MINDY4B: variants seen among roughly 807,000 people sequenced by gnomAD.
MINDY4B encodes MINDY family member 4B.
A neutral mutation model predicts 16.7 loss-of-function variants in MINDY4B; 25 were observed. That is an observed-to-expected ratio of 1.49 (90% CI 1.09 to 2.09). MINDY4B has a LOEUF of 2.09. Among genes scored for constraint, MINDY4B ranks in the 30% most tolerant of loss-of-function variants. The pLI is 0.00. For synonymous variants in MINDY4B, 132 were observed against 61.9 expected (o/e 2.13, Z -5.32); for missense variants, 327 against 168.4 (o/e 1.94, Z -5.21).
At chr3:150,896,471 T>G (rs1482553966) in intron 3 of MINDY4B, among the ~76,000 whole-genome samples, 1 of 152,162 alleles carries the variant, frequency 6.6e-6, no homozygotes, top group Non-Finnish European at 1.5e-5. Context: ...TTTTGCCATA[T>G]TACCAGAGTT....
At chr3:150,881,569 G>T (rs1445508927) in intron 10 of MINDY4B, among the ~76,000 whole-genome samples, 2 of 139,336 alleles carry the variant, frequency 1.4e-5, no homozygotes, top group Non-Finnish European at 3.0e-5. Flanking sequence ...GAACCCAGGA[G>T]TTCAAGACCA....
At chr3:150,873,122 A>G (rs2107893325) in intron 11 of MINDY4B, 65 bp downstream of exon 11, 1 of 642,024 alleles carries the variant, frequency 1.6e-6, no homozygotes, top group East Asian at 2.7e-5. Context: ...CAGTTGTTAA[A>G]CATTGGCAAC....
chr3:150,875,993 A>G (rs1711496532), intron 10 of MINDY4B, among the ~76,000 whole-genome samples: 1 of 152,188 alleles, frequency 6.6e-6, no homozygotes, highest in Admixed American at 6.5e-5. Flanking sequence ...GGATAAAAAC[A>G]GTTTACCAGC....
intron 10 of MINDY4B, among the ~76,000 whole-genome samples, chr3:150,882,564 G>A (rs1024169476): frequency 6.8e-6 from 1 of 148,016 alleles, no homozygotes; most frequent in Admixed American, 6.8e-5. Flanking sequence ...GTGTATGTGT[G>A]TATATATATA....
chr3:150,874,052 G>A lies in MINDY4B; in HGVS notation c.1060-685C>T, dbSNP rs1057399213. On this transcript the variant is annotated intron_variant, in intron 10 of 11. Coordinates refer to ENST00000465419, the MANE Select transcript of MINDY4B (RefSeq NM_001351281.2). The stretch of plus-strand genomic sequence containing the variant: ...TTTTTTAAAGACAGGATCTTGCTCT[G>A]TCATCCAGGCTATAATGCAGTGGTG... 4.6e-5 allele frequency among the ~76,000 whole-genome samples: 5 copies of A among 107,704 alleles called. No individual in the cohort carries two copies. The South Asian group carries it at 1.6e-3, about 35-fold the overall frequency. The allele number at this position is 107,704 out of a possible 152,430, so 70.7% of individuals were successfully genotyped here.
At chr3:150,892,252 A>G (rs1450671761) in intron 5 of MINDY4B, among the ~76,000 whole-genome samples, 1 of 152,190 alleles carries the variant, frequency 6.6e-6, no homozygotes, top group Non-Finnish European at 1.5e-5. Context: ...AGTGCAATCC[A>G]TGCACCCGAG....
chr3:150,890,699 A>C, intron 6 of MINDY4B: 1 of 508,106 alleles, frequency 2.0e-6, no homozygotes, highest in East Asian at 3.0e-5. Context: ...ATCATTTATG[A>C]TTATTTCAGA....
chr3:150,885,538 T>A (rs144804969), intron 7 of MINDY4B, 100 bp from the exon 8 acceptor site: 4 of 669,464 alleles, frequency 6.0e-6, no homozygotes, highest in African/African-American at 1.8e-5. Flanking sequence ...AGAGAATTTT[T>A]TCCCCCTGGC....
At chr3:150,895,006 C>T (rs1273710311) in intron 3 of MINDY4B, among the ~76,000 whole-genome samples, 1 of 152,168 alleles carries the variant, frequency 6.6e-6, no homozygotes, top group African/African-American at 2.4e-5. Context: ...GACTGAAGTA[C>T]TCAGGAAGGC....
intron 5 of MINDY4B, among the ~76,000 whole-genome samples, chr3:150,892,079 C>T (rs6768408): frequency 0.51 from 77,110 of 152,102 alleles, 20,073 homozygotes; most frequent in African/African-American, 0.63. Context: ...CTTTGGATAC[C>T]GTGGCTCCCA....
intron 10 of MINDY4B, among the ~76,000 whole-genome samples, chr3:150,879,197 C>T (rs1342010992): frequency 1.3e-5 from 2 of 152,172 alleles, no homozygotes; most frequent in South Asian, 2.1e-4. Context: ...TTGGCCAATT[C>T]TGCACACCAT....
chr3:150,905,296 C>G (rs1242748650), intron 1 of MINDY4B, 31 bp downstream of exon 1: 1 of 398,256 alleles, frequency 2.5e-6, no homozygotes, highest in Non-Finnish European at 4.4e-6. Context: ...TCCTTTGTTT[C>G]TAAAGAAATG....
intron 3 of MINDY4B, among the ~76,000 whole-genome samples, chr3:150,899,187 A>G (rs1340228413): frequency 6.6e-6 from 1 of 152,230 alleles, no homozygotes; most frequent in Non-Finnish European, 1.5e-5. Context: ...TTCATTTTAC[A>G]GTGAAAGGAC....
chr3:150,873,224 G>T lies in MINDY4B; in HGVS notation c.1203C>A (p.Gly401=). The part of the protein sequence containing the change: ...ERLFDLYFYS[G]QPSQKKLVRL... ...GCACAAGCTTTTTCTGTGAGGGTTG[G>T]CCACTGTAAAAGTACAGATCAAAGA... The change falls in exon 11 of 12, where the codon GGC becomes GGA. Residue 401 remains glycine, a synonymous_variant. Transcript: ENST00000465419. 1.4e-6 allele frequency: 1 copy of T among 703,184 alleles called. No homozygotes were observed. The highest frequency in any genetic ancestry group is 2.6e-6 in the Non-Finnish European group (1 of 384,910). The allele number at this position is 703,184 out of a possible 1,614,324, so 43.6% of individuals were successfully genotyped here.
chr3:150,876,749 T>A (rs1242141476), intron 10 of MINDY4B, among the ~76,000 whole-genome samples: 1 of 152,154 alleles, frequency 6.6e-6, no homozygotes, highest in Non-Finnish European at 1.5e-5. Context: ...GTAGGAGTAA[T>A]TCTGGCAAGA....
intron 3 of MINDY4B, among the ~76,000 whole-genome samples, chr3:150,895,482 T>A (rs565060835): frequency 6.6e-6 from 1 of 152,302 alleles, no homozygotes; most frequent in Admixed American, 6.5e-5. Flanking sequence ...TTGTTTTGTT[T>A]TGAGACAGAG....
chr3:150,885,181 C>T (rs972062853), intron 8 of MINDY4B, among the ~76,000 whole-genome samples, 187 bp downstream of exon 8: 6 of 152,260 alleles, frequency 3.9e-5, no homozygotes, highest in South Asian at 2.1e-4. Context: ...ACTTGACTGA[C>T]GACATCCACT....
intron 7 of MINDY4B, among the ~76,000 whole-genome samples, chr3:150,887,090 A>G (rs1165838197): frequency 6.6e-6 from 1 of 152,234 alleles, no homozygotes; most frequent in African/African-American, 2.4e-5. Context: ...TTATAGCACT[A>G]TACCAGGAGC....
intron 10 of MINDY4B, among the ~76,000 whole-genome samples, chr3:150,874,829 G>C (rs1717054907): frequency 6.6e-6 from 1 of 152,154 alleles, no homozygotes. Context: ...TTGTTTCCTT[G>C]AGTTTAAATT....
Sources: allele counts gnomAD v4.1 joint callset (sites outside exome capture counted in the v4.1 genomes callset), GRCh38; gene constraint gnomAD v4.1.1; transcripts MANE v1.5; gene names NCBI Gene and HGNC (gene_info 2026-07-23, HGNC 2026-07-21).